The following COL4A2 variants were observed in gnomAD, a reference collection of about 807,000 sequenced individuals.
COL4A2 encodes collagen type IV alpha 2 chain.
Under a neutral mutation model 200.2 loss-of-function variants are expected in COL4A2, and 99 were observed. The observed-to-expected ratio is 0.49, with a 90% CI of 0.42 to 0.58. The LOEUF is 0.58. Ranked by LOEUF, COL4A2 falls within the 20% of genes least tolerant of loss-of-function variation. The probability of loss-of-function intolerance (pLI) is 0.00; values close to 1 mark genes in which losing one functional copy is unlikely to be tolerated. For synonymous variants in COL4A2, 897 were observed against 900.6 expected (o/e 1.00, Z 0.07); for missense variants, 1,950 against 2,314.1 (o/e 0.84, Z 3.23).
In COL4A2 at chr13:110,511,999, CT is replaced by C; in HGVS notation, c.4949del (p.Phe1650SerfsTer27). ...LVSPGSCLED[F>X]RATPFIECNG... ...TGTCACCGGGCAGCTGTCTAGAGGA[CT>C]TCCGCGCCACACCATTCATCGAATG... On this transcript the variant is annotated frameshift_variant, in exon 48 of 48. Coordinates refer to ENST00000360467, the MANE Select transcript of COL4A2 (RefSeq NM_001846.4). LOFTEE classifies it high-confidence loss of function. The C allele has an allele frequency of 6.2e-7, 1 of 1,613,598 alleles. No individual in the cohort carries two copies. Among genetic ancestry groups the C allele is most frequent in the Non-Finnish European group, 8.5e-7 (1 of 1,180,054 alleles).
chr13:110,433,359 T>C (rs1880754756), intron 11 of COL4A2, among the ~76,000 whole-genome samples: 1 of 152,240 alleles, frequency 6.6e-6, no homozygotes, highest in South Asian at 2.1e-4. Context: ...AGATCTCCCC[T>C]TGCTGCGGCA....
chr13:110,347,648 A>G (rs1179151311), intron 3 of COL4A2, among the ~76,000 whole-genome samples: 1 of 152,186 alleles, frequency 6.6e-6, no homozygotes, highest in Non-Finnish European at 1.5e-5. Context: ...GGCCCACCAC[A>G]CACTGCATGC....
At chr13:110,408,268 A>T (rs995876461) in intron 4 of COL4A2, among the ~76,000 whole-genome samples, 13 of 152,186 alleles carry the variant, frequency 8.5e-5, no homozygotes, top group African/African-American at 2.9e-4. Flanking sequence ...ACAGCTGGGG[A>T]TAGTGGCATT....
At chr13:110,316,021 A>G (rs1885120513) in intron 3 of COL4A2, among the ~76,000 whole-genome samples, 1 of 152,154 alleles carries the variant, frequency 6.6e-6, no homozygotes, top group South Asian at 2.1e-4. Context: ...AACTAGCCGT[A>G]TATGATGATA....
chr13:110,312,996 G>C (rs1333309796), intron 3 of COL4A2, among the ~76,000 whole-genome samples: 1 of 152,192 alleles, frequency 6.6e-6, no homozygotes, highest in Non-Finnish European at 1.5e-5. Context: ...GTGAGCCGGG[G>C]TCTCCGCTGT....
chr13:110,334,473 G>A (rs187539010), intron 3 of COL4A2, among the ~76,000 whole-genome samples: 71 of 152,330 alleles, frequency 4.7e-4, no homozygotes, highest in Non-Finnish European at 7.5e-4. Context: ...CAGAAAGAGT[G>A]TTCATGCTCA....
chr13:110,466,903 T>C (rs1566550417), intron 26 of COL4A2, 137 bp from the exon 27 acceptor site: 1 of 1,060,272 alleles, frequency 9.4e-7, no homozygotes, highest in African/African-American at 1.6e-5. Flanking sequence ...CAAGATGAAT[T>C]AAATCATTAA....
chr13:110,430,427 C>A lies in COL4A2; in HGVS notation c.576C>A (p.Val192=). Residue 192 remains valine, a synonymous_variant, in exon 9 of 48, where the codon GTC becomes GTA. Coordinates refer to ENST00000360467, the MANE Select transcript of COL4A2 (RefSeq NM_001846.4). Reference sequence around the variant, plus strand: ...GTGAACCTGGAGAGCCTGGATTGGTCGGTTTCCAGGTAAGTTTATTTTTAT... The same window carrying A: ...GTGAACCTGGAGAGCCTGGATTGGTAGGTTTCCAGGTAAGTTTATTTTTAT... ...YRGEPGEPGL[V]GFQGPPGRPG... The A allele has an allele frequency of 6.2e-7, 1 of 1,614,066 alleles. No homozygotes were observed. Among genetic ancestry groups the A allele is most frequent in the Non-Finnish European group, 8.5e-7 (1 of 1,180,030 alleles).
intron 4 of COL4A2, among the ~76,000 whole-genome samples, chr13:110,364,708 A>G (rs1594171344): frequency 6.6e-6 from 1 of 152,078 alleles, no homozygotes; most frequent in South Asian, 2.1e-4. Context: ...CTTTCTTTTC[A>G]TCTAGGATTT....
chr13:110,340,747 T>C (rs1876411664), intron 3 of COL4A2, among the ~76,000 whole-genome samples: 1 of 152,168 alleles, frequency 6.6e-6, no homozygotes, highest in Admixed American at 6.5e-5. Context: ...GCTCACTCTA[T>C]GTCCTTGGCT....
intron 33 of COL4A2, 97 bp from the exon 34 acceptor site, chr13:110,485,558 C>T (rs1015228476): frequency 1.4e-5 from 10 of 722,724 alleles, no homozygotes; most frequent in Admixed American, 1.3e-4. Flanking sequence ...ATTCACAGCA[C>T]GTAGGACAGC....
intron 3 of COL4A2, among the ~76,000 whole-genome samples, chr13:110,318,335 T>C (rs1885195661): frequency 6.6e-6 from 1 of 152,148 alleles, no homozygotes; most frequent in African/African-American, 2.4e-5. Flanking sequence ...GTTTGGGTTG[T>C]CCAAATATCT....
At chr13:110,510,854 C>G (rs752736884) in intron 47 of COL4A2, among the ~76,000 whole-genome samples, 5 of 152,224 alleles carry the variant, frequency 3.3e-5, no homozygotes, top group Admixed American at 3.3e-4. Flanking sequence ...AAAGTGAAGC[C>G]GGAGGTGCCC....
At chr13:110,347,942 G>T (rs1024407742) in intron 3 of COL4A2, among the ~76,000 whole-genome samples, 1 of 152,242 alleles carries the variant, frequency 6.6e-6, no homozygotes, top group East Asian at 1.9e-4. Context: ...TCTTGCCGCC[G>T]TGTTGAACCA....
intron 11 of COL4A2, 151 bp downstream of exon 11, chr13:110,432,511 T>G: frequency 9.9e-7 from 1 of 1,011,436 alleles, no homozygotes; most frequent in Admixed American, 3.6e-5. Context: ...AGACTTAATG[T>G]TAAACTCCAA....
In COL4A2 at chr13:110,492,188, G is replaced by A. The variant is rs771288808; in HGVS notation, c.3562+11G>A. 5 of 1,549,922 alleles carry A rather than the reference G, an allele frequency of 3.2e-6. No individual in the cohort carries two copies. Among genetic ancestry groups the A allele is most frequent in the East Asian group, 2.4e-5 (1 of 40,930 alleles). ...CTCCGGGCTTACCAGGTAAGGTCACGTAAAACACGTGGTCACCCAGACCCA... is the reference window on the plus strand; with the variant it reads ...CTCCGGGCTTACCAGGTAAGGTCACATAAAACACGTGGTCACCCAGACCCA... On this transcript the variant is annotated intron_variant, in intron 38 of 47. Coordinates refer to ENST00000360467, the MANE Select transcript of COL4A2 (RefSeq NM_001846.4).
chr13:110,325,788 C>CT lies in COL4A2; in HGVS notation c.99+17679dup, dbSNP rs111624101. Among the ~76,000 whole-genome samples the CT allele has an allele frequency of 7.9e-4, 114 of 143,864 alleles. 1 individual carries two copies. The highest frequency in any genetic ancestry group is 3.6e-3 in the Middle Eastern group (1 of 274). 94.4% of individuals were successfully genotyped at this position (143,864 alleles called of 152,430 possible). On this transcript the variant is annotated intron_variant, in intron 3 of 47. Coordinates refer to ENST00000360467, the MANE Select transcript of COL4A2 (RefSeq NM_001846.4). ...ATGAATGTGTCCTGTTCCTGAATTT[C>CT]TTTTTTTTTTTTTTAGACGGAGTCT...
intron 30 of COL4A2, among the ~76,000 whole-genome samples, chr13:110,479,319 C>T (rs1050976954): frequency 5.3e-5 from 8 of 151,918 alleles, no homozygotes; most frequent in Admixed American, 2.0e-4. Flanking sequence ...GACAAGGCCA[C>T]GCGGTCCCCG....
intron 11 of COL4A2, 31 bp from the exon 12 acceptor site, chr13:110,434,370 T>C (rs772438059): frequency 8.8e-6 from 14 of 1,599,382 alleles, no homozygotes; most frequent in Non-Finnish European, 1.1e-5. Context: ...ATTGGCTTTT[T>C]AAAACTTACA....
Sources: allele counts gnomAD v4.1 joint callset (sites outside exome capture counted in the v4.1 genomes callset), GRCh38; gene constraint gnomAD v4.1.1; transcripts MANE v1.5; gene names NCBI Gene and HGNC (gene_info 2026-07-23, HGNC 2026-07-21).